The following GGA3 variants were observed in gnomAD, a reference collection of about 807,000 sequenced individuals.
GGA3 encodes the protein ADP-ribosylation factor-binding protein GGA3.
Under a neutral mutation model 77.5 loss-of-function variants are expected in GGA3, and 57 were observed. That is an observed-to-expected ratio of 0.74 (90% CI 0.59 to 0.92). The LOEUF is 0.92. Among genes scored for constraint, GGA3 ranks in the 40% least tolerant of loss-of-function variants. The pLI is 0.00. For missense variants in GGA3, 970 were observed against 914.9 expected (o/e 1.06, Z -0.78); for synonymous variants, 416 against 383.7 (o/e 1.08, Z -0.98).
intron 1 of GGA3, 122 bp from the exon 2 acceptor site, chr17:75,246,918 GC>G: frequency 2.8e-6 from 2 of 718,402 alleles, no homozygotes; most frequent in East Asian, 5.3e-5. Flanking sequence ...TAATAGAGAA[GC>G]CTCAGTAGAA....
At chr17:75,246,482 T>C (rs772292523) in intron 3 of GGA3, 27 bp downstream of exon 3, 14 of 1,495,896 alleles carry the variant, frequency 9.4e-6, no homozygotes, top group African/African-American at 6.9e-5. Context: ...GGCTGCGGTT[T>C]CCACCTCCGG....
chr17:75,255,094 G>A (rs199546533), intron 1 of GGA3, among the ~76,000 whole-genome samples: 1 of 152,128 alleles, frequency 6.6e-6, no homozygotes, highest in African/African-American at 2.4e-5. Context: ...CACAGATGCC[G>A]AGCTTTAGGT....
chr17:75,251,049 C>T (rs918799530), intron 1 of GGA3, among the ~76,000 whole-genome samples: 16 of 152,044 alleles, frequency 1.1e-4, no homozygotes, highest in Non-Finnish European at 2.2e-4. Context: ...CCATTGCACT[C>T]CAGCCTGGGC....
At chr17:75,243,660 T>C in intron 4 of GGA3, 90 bp from the exon 5 acceptor site, 2 of 1,301,924 alleles carry the variant, frequency 1.5e-6, no homozygotes, top group Non-Finnish European at 2.1e-6. Flanking sequence ...GCGTGGCTGC[T>C]CAGCAGCTAT....
chr17:75,261,970 T>G (rs567029950), upstream of GGA3: 1 of 1,604,242 alleles, frequency 6.2e-7, no homozygotes, highest in African/African-American at 1.3e-5. Context: ...GCGGGCTGTC[T>G]TGCAGCTTCC....
chr17:75,241,163 C>A, intron 10 of GGA3, 106 bp from the exon 11 acceptor site: 1 of 1,329,748 alleles, frequency 7.5e-7, no homozygotes. Flanking sequence ...AGCCTCTGGC[C>A]TAATCCAACG....
intron 1 of GGA3, among the ~76,000 whole-genome samples, chr17:75,252,524 T>C (rs1449787377): frequency 1.3e-5 from 2 of 152,182 alleles, no homozygotes; most frequent in African/African-American, 4.8e-5. Context: ...CAATGTCTTC[T>C]TAAATCCCTT....
intron 1 of GGA3, among the ~76,000 whole-genome samples, chr17:75,259,790 G>A (rs2077283848): frequency 6.6e-6 from 1 of 151,722 alleles, no homozygotes; most frequent in Non-Finnish European, 1.5e-5. Flanking sequence ...CGTAACAACT[G>A]TGAAGCTTAT....
intron 1 of GGA3, among the ~76,000 whole-genome samples, chr17:75,255,435 T>G (rs376167217): frequency 1.3e-5 from 2 of 152,094 alleles, no homozygotes; most frequent in East Asian, 3.9e-4. Context: ...CTTTGCGTCC[T>G]CCTCTTGTAT....
chr17:75,256,318 C>G (rs1567806371), intron 1 of GGA3, among the ~76,000 whole-genome samples: 4 of 151,964 alleles, frequency 2.6e-5, no homozygotes, highest in Non-Finnish European at 5.9e-5. Flanking sequence ...TTATTTTCTT[C>G]CTCATACCTG....
chr17:75,239,790 C>T lies in GGA3; in HGVS notation c.1582G>A (p.Val528Met), dbSNP rs770437607. 1 of 1,613,600 alleles carries T rather than the reference C, an allele frequency of 6.2e-7. No homozygotes were observed. Among genetic ancestry groups the T allele is most frequent in the South Asian group, 1.1e-5 (1 of 91,088 alleles). Residue 528 changes from valine to methionine, a missense_variant and splice_region_variant, in exon 13 of 17, where the codon GTG becomes ATG. Physicochemically the swap from Val to Met is conservative, Grantham distance 21. Transcript: ENST00000537686. ...CCCACATCTCCTCCCACTCATTACA[C>T]TTTGGCCTCTTCTAGAAGCTGATCG... is the stretch of plus-strand genomic sequence containing the variant. Reference protein sequence around the residue: ...ALDQLLEEAKVTSGLVKPTTS... With the variant: ...ALDQLLEEAKMTSGLVKPTTS...
chr17:75,251,690 G>A (rs2076970702), intron 1 of GGA3, among the ~76,000 whole-genome samples: 1 of 118,024 alleles, frequency 8.5e-6, no homozygotes, highest in Non-Finnish European at 1.6e-5. Context: ...TGGGCGACTA[G>A]AGTGAGACTC....
In GGA3 at chr17:75,241,503, T is replaced by C. The variant is rs2145496664; in HGVS notation, c.843A>G (p.Gln281=). 6.2e-7 allele frequency: 1 copy of C among 1,613,248 alleles called. No homozygotes were observed. Among genetic ancestry groups the C allele is most frequent in the Non-Finnish European group, 8.5e-7 (1 of 1,179,204 alleles). ...DNDNSLGDIL[Q]ASDNLSRVIN... Reference sequence around the variant, plus strand: ...TGACCCGGGAGAGGTTGTCACTGGCTTGCAGGATGTCCCCTGGAGCAGGAA... The same window carrying C: ...TGACCCGGGAGAGGTTGTCACTGGCCTGCAGGATGTCCCCTGGAGCAGGAA... Residue 281 remains glutamine, a synonymous_variant, in exon 10 of 17, where the codon CAA becomes CAG. Coordinates refer to ENST00000537686, the MANE Select transcript of GGA3 (RefSeq NM_138619.4).
upstream of GGA3, chr17:75,262,148 A>T (rs142961566): frequency 2.7e-4 from 221 of 824,122 alleles, no homozygotes; most frequent in African/African-American, 3.3e-3. Context: ...AGGTTTAGTG[A>T]CTACCTCTCG....
intron 1 of GGA3, among the ~76,000 whole-genome samples, chr17:75,249,835 C>A (rs1231646958): frequency 1.3e-5 from 2 of 152,332 alleles, no homozygotes; most frequent in East Asian, 1.9e-4. Context: ...CATACGTTAT[C>A]TTCTTCCCAA....
chr17:75,240,995 T>C lies in GGA3; in HGVS notation c.1009A>G (p.Ser337Gly), dbSNP rs1483078792. ...GCTGGGGCCAACACGGAGGACAAAC[T>C]GTTGGTCGTGTCCAGCTCCGCAAGG... ...IDLAELDTTN[S>G]LSSVLAPAPT... Residue 337 changes from serine (S) to glycine (G), a missense_variant, in exon 11 of 17, where the codon AGT becomes GGT. Ser to Gly is a moderately conservative substitution (Grantham distance 56). Transcript: ENST00000537686. 6.2e-7 allele frequency: 1 copy of C among 1,613,906 alleles called. No homozygotes were observed. Among genetic ancestry groups the C allele is most frequent in the East Asian group, 2.2e-5 (1 of 44,882 alleles).
chr17:75,239,121 CAG>C, intron 14 of GGA3, 38 bp from the exon 15 acceptor site: 4 of 1,587,044 alleles, frequency 2.5e-6, no homozygotes, highest in East Asian at 2.2e-5. Flanking sequence ...GGAGCAGCAC[CAG>C]AGACACCCAA....
Position 75,243,127 on chromosome 17 carries a change from G to T in GGA3, c.464C>A (p.Thr155Lys), listed in dbSNP as rs968580607. 6.2e-7 allele frequency: 1 copy of T among 1,612,614 alleles called. No individual in the cohort carries two copies. The highest frequency in any genetic ancestry group is 2.2e-5 in the East Asian group (1 of 44,874). Residue 155 changes from threonine (T) to lysine (K), a missense_variant, in exon 6 of 17, where the codon ACG (threonine) becomes AAG (lysine). Coordinates refer to ENST00000537686, the MANE Select transcript of GGA3 (RefSeq NM_138619.4). The stretch of plus-strand genomic sequence containing the variant: ...ACGAGGTGGTGGAGAGGGGATCAGC[G>T]TCCTATCCACAGGAATTGGTGGGTC... The part of the protein sequence containing the change: ...QSDPPIPVDR[T>K]LIPSPPPRPK...
chr17:75,241,727 C>T (rs1345738325), intron 8 of GGA3, 31 bp from the exon 9 acceptor site: 1 of 1,569,600 alleles, frequency 6.4e-7, no homozygotes, highest in Non-Finnish European at 8.8e-7. Flanking sequence ...AAAATCAAAC[C>T]ACAAAGGCCC....
Sources: allele counts gnomAD v4.1 joint callset (sites outside exome capture counted in the v4.1 genomes callset), GRCh38; gene constraint gnomAD v4.1.1; transcripts MANE v1.5; gene names NCBI Gene and HGNC (gene_info 2026-07-23, HGNC 2026-07-21).